Variants in RALGPS1 observed in about 807,000 individuals in gnomAD.
RALGPS1 encodes the protein Ral GEF with PH domain and SH3 binding motif 1, also known as ras-specific guanine nucleotide-releasing factor RalGPS1.
A neutral mutation model predicts 78.8 loss-of-function variants in RALGPS1; 19 were observed. That is an observed-to-expected ratio of 0.24 (90% CI 0.17 to 0.35). The LOEUF (loss-of-function observed/expected upper bound fraction) is 0.35, where lower values mean the gene tolerates loss of function less well. Ranked by LOEUF, RALGPS1 falls within the 10% of genes least tolerant of loss-of-function variation. The pLI, the probability that RALGPS1 is intolerant of heterozygous loss-of-function variation, is 1.00. For missense variants in RALGPS1, 454 were observed against 688.3 expected (o/e 0.66, Z 3.81); for synonymous variants, 228 against 256.3 (o/e 0.89, Z 1.06).
At chr9:126,989,168 G>A (rs1247804162) in intron 4 of RALGPS1, among the ~76,000 whole-genome samples, 1 of 152,124 alleles carries the variant, frequency 6.6e-6, no homozygotes, top group African/African-American at 2.4e-5. Flanking sequence ...GGGAAGGGGA[G>A]GGAAGCCAGG....
At chr9:127,054,996 TGAGAGAGAGA>T (rs10555826) in intron 7 of RALGPS1, among the ~76,000 whole-genome samples, 15,777 of 139,010 alleles carry the variant, frequency 0.11, 1,321 homozygotes, top group African/African-American at 0.25. Flanking sequence ...AGAGATTGAT[TGAGAGAGAGA>T]GAGAGAGAGA....
At chr9:127,167,327 C>G (rs1450614525) in intron 9 of RALGPS1, among the ~76,000 whole-genome samples, 1 of 152,200 alleles carries the variant, frequency 6.6e-6, no homozygotes, top group African/African-American at 2.4e-5. Context: ...TAGGAGGCAC[C>G]TGTATTCCCA....
intron 11 of RALGPS1, among the ~76,000 whole-genome samples, chr9:127,178,788 G>A (rs917552334): frequency 3.3e-5 from 5 of 152,242 alleles, no homozygotes; most frequent in African/African-American, 9.6e-5. Context: ...CCTGCAGAGC[G>A]TGAACTATTT....
rs531937258 is a variant in RALGPS1 at position 127,081,477 on chromosome 9, A to C, written c.610+12121A>C. On this transcript the variant is annotated intron_variant, in intron 8 of 18. Transcript: ENST00000259351. ...AGGCTGACCTAAATCCATGCCCTGC[A>C]CACTTGCCTGGGCATTAGTCAACCT... Among the ~76,000 whole-genome samples, 280 of 152,364 alleles carry C rather than the reference A, an allele frequency of 1.8e-3. 4 individuals carry two copies. The highest frequency in any genetic ancestry group is 6.3e-3 in the African/African-American group (264 of 41,594).
At chr9:127,120,396 C>T in intron 8 of RALGPS1, among the ~76,000 whole-genome samples, 1 of 152,190 alleles carries the variant, frequency 6.6e-6, no homozygotes, top group East Asian at 1.9e-4. Context: ...ACCCAAACCC[C>T]AGACATAAAG....
intron 13 of RALGPS1, 107 bp from the exon 14 acceptor site, chr9:127,198,908 T>A: frequency 2.1e-6 from 2 of 965,138 alleles, no homozygotes; most frequent in East Asian, 4.8e-5. Flanking sequence ...AGGAAGCAGT[T>A]TCTGTGGCAC....
chr9:127,126,831 C>T (rs2056648346), intron 8 of RALGPS1, among the ~76,000 whole-genome samples: 1 of 152,142 alleles, frequency 6.6e-6, no homozygotes, highest in South Asian at 2.1e-4. Context: ...ACATCTGGCT[C>T]ATTAGTGAGT....
intron 4 of RALGPS1, among the ~76,000 whole-genome samples, chr9:126,990,453 A>G (rs1414338586): frequency 6.6e-6 from 1 of 152,156 alleles, no homozygotes; most frequent in Non-Finnish European, 1.5e-5. Context: ...TAGGATGCAG[A>G]TCCGCCTTCA....
chr9:126,933,345 A>T (rs993591489), intron 1 of RALGPS1, among the ~76,000 whole-genome samples: 9 of 152,006 alleles, frequency 5.9e-5, no homozygotes, highest in African/African-American at 2.2e-4. Context: ...GGGACCCCAG[A>T]GGGGCCAGTG....
At chr9:127,044,544 C>G (rs139257235) in intron 5 of RALGPS1, among the ~76,000 whole-genome samples, 26 of 152,296 alleles carry the variant, frequency 1.7e-4, no homozygotes, top group African/African-American at 5.1e-4. Context: ...GCATGAGTCA[C>G]AGTGCCCGGC....
intron 4 of RALGPS1, among the ~76,000 whole-genome samples, chr9:127,004,415 G>T (rs1207719881): frequency 2.6e-5 from 4 of 152,178 alleles, no homozygotes; most frequent in African/African-American, 9.7e-5. Context: ...CAAAGTGTTG[G>T]GATTATAGGC....
intron 11 of RALGPS1, among the ~76,000 whole-genome samples, chr9:127,194,632 C>T (rs1215587487): frequency 1.3e-5 from 2 of 152,182 alleles, no homozygotes; most frequent in Admixed American, 6.5e-5. Context: ...AGGCTGGTTT[C>T]GAACACCTGA....
chr9:127,127,992 A>G (rs1053101080), intron 8 of RALGPS1, among the ~76,000 whole-genome samples: 1 of 152,062 alleles, frequency 6.6e-6, no homozygotes, highest in Non-Finnish European at 1.5e-5. Flanking sequence ...CGTCATTTAC[A>G]TTAGGTATTT....
intron 4 of RALGPS1, among the ~76,000 whole-genome samples, chr9:126,987,765 C>T (rs964675008): frequency 1.4e-4 from 21 of 149,928 alleles, no homozygotes; most frequent in Admixed American, 1.4e-3. Flanking sequence ...CTCATTTACT[C>T]ATTCATCAGT....
intron 8 of RALGPS1, chr9:127,108,529 G>A (rs371076756): frequency 3.0e-5 from 49 of 1,612,916 alleles, no homozygotes; most frequent in Non-Finnish European, 4.0e-5. Context: ...GACGCAGATG[G>A]CACCCGTGAC....
At chr9:127,161,923 C>T (rs2059042980) in intron 8 of RALGPS1, among the ~76,000 whole-genome samples, 1 of 152,186 alleles carries the variant, frequency 6.6e-6, no homozygotes, top group African/African-American at 2.4e-5. Context: ...CACAATGAAA[C>T]CTCCCTGACA....
intron 8 of RALGPS1, among the ~76,000 whole-genome samples, chr9:127,075,644 C>G (rs1188800473): frequency 6.6e-6 from 1 of 152,208 alleles, no homozygotes; most frequent in Non-Finnish European, 1.5e-5. Context: ...GGTCTTTTCC[C>G]CCTTGGGGTG....
At chr9:127,119,727 A>T (rs1221589495) in intron 8 of RALGPS1, among the ~76,000 whole-genome samples, 1 of 152,196 alleles carries the variant, frequency 6.6e-6, no homozygotes, top group Non-Finnish European at 1.5e-5. Flanking sequence ...CAGCAATAAC[A>T]TGTAGTCCCC....
intron 4 of RALGPS1, among the ~76,000 whole-genome samples, chr9:126,982,928 C>CTTTTTTTTTTTTTT (rs71377984): frequency 1.2e-4 from 4 of 34,598 alleles, no homozygotes; most frequent in Non-Finnish European, 1.9e-4. Context: ...TCTTCTTCTT[C>CTTTTTTTTTTTTTT]TTTTTTTTTT....
Sources: allele counts gnomAD v4.1 joint callset (sites outside exome capture counted in the v4.1 genomes callset), GRCh38; gene constraint gnomAD v4.1.1; transcripts MANE v1.5; gene names NCBI Gene and HGNC (gene_info 2026-07-23, HGNC 2026-07-21).